CUX1: variants seen among roughly 807,000 people sequenced by gnomAD.
The protein encoded by CUX1 is cut like homeobox 1.
In CUX1, 31 loss-of-function variants were observed where a neutral mutation model predicts 158.8. That is an observed-to-expected ratio of 0.20 (90% confidence interval 0.15 to 0.26). The LOEUF (loss-of-function observed/expected upper bound fraction) is 0.26, where lower values mean the gene tolerates loss of function less well. Among genes scored for constraint, CUX1 ranks in the 10% least tolerant of loss-of-function variants. CUX1 has a pLI of 1.00. For missense variants in CUX1, 1,589 were observed against 2,014.6 expected, an observed-to-expected ratio of 0.79 and a Z score of 4.04; for synonymous variants, 879 against 862.1, an observed-to-expected ratio of 1.02 and a Z score of -0.34.
At chr7:102,281,824 C>G (rs1554549332) in intron 20 of CUX1, 2 of 1,592,440 alleles carry the variant, frequency 1.3e-6, no homozygotes, top group East Asian at 4.5e-5. Flanking sequence ...CCCACTCACC[C>G]CCTCCTTGCT....
chr7:101,816,315 T>A (rs1466639083), upstream of CUX1, among the ~76,000 whole-genome samples: 1 of 144,386 alleles, frequency 6.9e-6, no homozygotes, highest in Non-Finnish European at 1.5e-5. Context: ...TTTGTTCAAT[T>A]CATCGATCAG....
chr7:101,845,933 A>G (rs1795641912), intron 1 of CUX1, among the ~76,000 whole-genome samples: 1 of 151,952 alleles, frequency 6.6e-6, no homozygotes, highest in Non-Finnish European at 1.5e-5. Context: ...GCTTGACCCC[A>G]GGAGTCGGAG....
Position 102,216,871 on chromosome 7 carries a change from A to G in CUX1, c.3131-10496A>G, listed in dbSNP as rs12666781. Among the ~76,000 whole-genome samples, 5 of 103,742 alleles carry G rather than the reference A, an allele frequency of 4.8e-5. No individual in the cohort carries two copies. In the Admixed American group the frequency reaches 6.2e-4, roughly 13 times the overall value. 68.1% of individuals were successfully genotyped at this position (103,742 alleles called of 152,430 possible). A position where few individuals can be genotyped will look rare whatever the true frequency, so the allele number is the denominator to read the frequency against. ...CTCTCCCTCACACACACATTCTCTC[A>G]CACACACATTATCTCACACACACAC... On this transcript the variant is annotated intron_variant, in intron 20 of 23. Coordinates refer to ENST00000292535, the MANE Select transcript of CUX1 (RefSeq NM_181552.4).
chr7:102,171,969 C>T (rs1232057416), intron 10 of CUX1, among the ~76,000 whole-genome samples: 2 of 152,218 alleles, frequency 1.3e-5, no homozygotes, highest in East Asian at 1.9e-4. Context: ...CCCGAAGAAC[C>T]ATAAGGAGTA....
chr7:101,979,182 C>T (rs529026183), intron 2 of CUX1, among the ~76,000 whole-genome samples: 2 of 152,042 alleles, frequency 1.3e-5, no homozygotes, highest in Non-Finnish European at 2.9e-5. Flanking sequence ...GAGGTGAGTA[C>T]CAGGAGATGG....
intron 4 of CUX1, among the ~76,000 whole-genome samples, chr7:102,088,922 C>T (rs901242092): frequency 4.6e-5 from 7 of 152,128 alleles, no homozygotes; most frequent in African/African-American, 1.7e-4. Flanking sequence ...AAGTTTGGAA[C>T]ATTTTGCCAC....
chr7:102,100,969 T>TAA (rs1554486167), intron 5 of CUX1, among the ~76,000 whole-genome samples: 1 of 152,120 alleles, frequency 6.6e-6, no homozygotes, highest in East Asian at 1.9e-4. Flanking sequence ...CTCAGGAAGC[T>TAA]TTTACTCATG....
At position 102,235,616 on chromosome 7, in the gene CUX1, C is replaced by A. The variant is rs571492048; in HGVS notation, c.3622+1376C>A. Among the ~76,000 whole-genome samples, 22 of 151,508 alleles carry A rather than the reference C, an allele frequency of 1.5e-4. No individual in the cohort carries two copies. In the South Asian group the frequency reaches 4.4e-3, roughly 30 times the overall value. On this transcript the variant is annotated intron_variant, in intron 22 of 23. Coordinates refer to ENST00000292535, the MANE Select transcript of CUX1 (RefSeq NM_181552.4). ...ACTTGGGAGGCTGAGGCAGGAGAAT[C>A]GCTTGAACCTGGGAGGAGGAGGTTG...
At chr7:101,980,373 G>C (rs949496225) in intron 2 of CUX1, among the ~76,000 whole-genome samples, 1 of 152,154 alleles carries the variant, frequency 6.6e-6, no homozygotes, top group East Asian at 1.9e-4. Flanking sequence ...AGCTGAGCAT[G>C]GTGGCATGCA....
In CUX1 at chr7:102,248,864, G is replaced by A; in HGVS notation, c.4340G>A (p.Ser1447Asn). ...SAPPPSNSSS[S>N]SAPRRPSSLQ... ...CCGCCGCCCAGCAACAGCAGCAGCAGCAGCGCCCCCCGCAGGCCCAGCTCG... is the reference window on the plus strand; with the variant it reads ...CCGCCGCCCAGCAACAGCAGCAGCAACAGCGCCCCCCGCAGGCCCAGCTCG... Residue 1447 changes from serine (S) to asparagine (N), a missense_variant, in exon 24 of 24, where the codon AGC becomes AAC. Ser to Asn is a conservative substitution (Grantham distance 46). Around this residue, in one of 8 missense-constraint regions of CUX1, gnomAD observed 344 missense variants for 323.7 expected, o/e 1.06. Coordinates refer to ENST00000292535, the MANE Select transcript of CUX1 (RefSeq NM_181552.4). The surrounding 1 kb of genome is among the most constrained non-coding windows in gnomAD (Gnocchi z 5.8). 2 of 1,301,172 alleles carry A rather than the reference G, an allele frequency of 1.5e-6. No individual in the cohort carries two copies. Among genetic ancestry groups the A allele is most frequent in the Non-Finnish European group, 2.0e-6 (2 of 1,018,304 alleles). 80.6% of individuals were successfully genotyped at this position (1,301,172 alleles called of 1,614,324 possible).
chr7:101,917,032 C>G (rs1359025814), intron 2 of CUX1, among the ~76,000 whole-genome samples: 1 of 152,206 alleles, frequency 6.6e-6, no homozygotes, highest in Non-Finnish European at 1.5e-5. Flanking sequence ...ACCCCAGCCT[C>G]TCTTACATCT....
intron 8 of CUX1, among the ~76,000 whole-genome samples, chr7:102,136,305 T>A (rs1365897560): frequency 1.2e-4 from 19 of 152,168 alleles, no homozygotes; most frequent in African/African-American, 4.6e-4. Flanking sequence ...TTTACTATTG[T>A]TGTTTTTAGT....
At chr7:102,018,420 C>T (rs1474993654) in intron 2 of CUX1, among the ~76,000 whole-genome samples, 1 of 152,272 alleles carries the variant, frequency 6.6e-6, no homozygotes, top group Non-Finnish European at 1.5e-5. Context: ...TGAGGACAGT[C>T]CTGCAGGAAA....
chr7:102,061,699 T>A (rs552548528), intron 3 of CUX1, among the ~76,000 whole-genome samples: 1 of 152,320 alleles, frequency 6.6e-6, no homozygotes, highest in African/African-American at 2.4e-5. Context: ...GCCAGGCCCC[T>A]GTGGTGCAGT....
chr7:102,229,413 G>T (rs1229199822), intron 21 of CUX1, among the ~76,000 whole-genome samples: 1 of 149,888 alleles, frequency 6.7e-6, no homozygotes, highest in African/African-American at 2.5e-5. Context: ...CCGGGTTCAC[G>T]CGATTCTCCT....
intron 4 of CUX1, among the ~76,000 whole-genome samples, chr7:102,070,808 C>A (rs1425416876): frequency 6.6e-6 from 1 of 152,194 alleles, no homozygotes; most frequent in Non-Finnish European, 1.5e-5. Flanking sequence ...ACTAAGACAC[C>A]TGGAGTGTCC....
intron 23 of CUX1, among the ~76,000 whole-genome samples, chr7:102,240,913 C>T (rs1800134859): frequency 1.3e-5 from 2 of 152,108 alleles, no homozygotes; most frequent in Non-Finnish European, 2.9e-5. Context: ...CTCCTTCTCC[C>T]AGGTTCAAGC....
chr7:101,821,849 G>GTTTTTTTTTTTTTTTTTTTT (rs763323114), intron 1 of CUX1, among the ~76,000 whole-genome samples: 1 of 69,788 alleles, frequency 1.4e-5, no homozygotes, highest in Non-Finnish European at 2.9e-5. Context: ...TAGTTTTTTT[G>GTTTTTTTTTTTTTTTTTTTT]TTTTTTTGTT....
intron 17 of CUX1, among the ~76,000 whole-genome samples, chr7:102,276,464 G>C (rs1427982403): frequency 6.6e-6 from 1 of 152,126 alleles, no homozygotes; most frequent in Non-Finnish European, 1.5e-5. Context: ...ATCACACCCA[G>C]CTAATTTTTG....
Sources: gnomAD v4.1 joint callset for allele counts (sites outside exome capture counted in the v4.1 genomes callset) on GRCh38, gnomAD v4.1.1 for gene constraint, gnomAD v4.1.1 regional missense constraint, Gnocchi (gnomAD v3.1) non-coding constraint, MANE v1.5 for transcripts, NCBI Gene and HGNC (gene_info 2026-07-23, HGNC 2026-07-21) for gene names.